PLCL2: variants seen among roughly 807,000 people sequenced by gnomAD.
The protein encoded by PLCL2 is phospholipase C like 2.
PLCL2 carries 4 observed loss-of-function variants against 79.6 expected under a neutral mutation model. That is an observed-to-expected ratio of 0.05 (90% CI 0.02 to 0.11). PLCL2 has a LOEUF of 0.11. PLCL2 is among the 10% of genes least tolerant of loss of function. PLCL2 has a pLI of 1.00. For missense variants in PLCL2, 895 were observed against 1,291.0 expected (o/e 0.69, Z 4.70); for synonymous variants, 484 against 457.7 (o/e 1.06, Z -0.73).
intron 1 of PLCL2, among the ~76,000 whole-genome samples, chr3:16,955,063 G>A (rs1415822669): frequency 8.5e-5 from 13 of 152,196 alleles, no homozygotes; most frequent in Non-Finnish European, 2.9e-5. Context: ...GGCTTTTGTT[G>A]CCATTGCTTT....
rs764932441 is a variant in PLCL2, at chr3:17,042,948, A to G, written c.3093A>G (p.Ala1031=). 3 of 1,603,638 alleles carry G rather than the reference A, an allele frequency of 1.9e-6. No individual in the cohort carries two copies. The highest frequency in any genetic ancestry group is 2.6e-6 in the Non-Finnish European group (3 of 1,170,594). ...VYEKIVHCQK[A]AMEFHEHLHS... is the part of the protein sequence containing the mutation. ...AAAAGATCGTACATTGTCAGAAGGC[A>G]GGTAAGTGAAAGTTTGTTTCCTCTC... The change falls in exon 4 of 6, where the codon GCA becomes GCG. Residue 1031 remains alanine (A), a splice_region_variant and synonymous_variant. Coordinates refer to ENST00000615277, the MANE Select transcript of PLCL2 (RefSeq NM_001144382.2).
intron 1 of PLCL2, among the ~76,000 whole-genome samples, chr3:16,954,649 TAA>T (rs1251835260): frequency 6.6e-6 from 1 of 152,130 alleles, no homozygotes; most frequent in Non-Finnish European, 1.5e-5. Flanking sequence ...ACCAACAGTG[TAA>T]AAGTGTTCCT....
chr3:17,035,635 A>G (rs2064641009), intron 3 of PLCL2: 4 of 344,120 alleles, frequency 1.2e-5, no homozygotes, highest in South Asian at 1.0e-4. Flanking sequence ...TGGTTCTGAA[A>G]TTTTACTTTG....
chr3:16,988,147 C>T (rs1476545937), intron 1 of PLCL2, among the ~76,000 whole-genome samples: 3 of 152,232 alleles, frequency 2.0e-5, no homozygotes, highest in East Asian at 3.9e-4. Flanking sequence ...GGAGTGTCTC[C>T]GCTCTGCACA....
intron 1 of PLCL2, among the ~76,000 whole-genome samples, chr3:16,918,814 T>C (rs568778352): frequency 6.6e-6 from 1 of 152,262 alleles, no homozygotes; most frequent in Admixed American, 6.5e-5. Flanking sequence ...TGTGCTCACA[T>C]AGCACTGGAA....
At chr3:17,073,919 A>T (rs1282520435) in intron 5 of PLCL2, among the ~76,000 whole-genome samples, 2 of 152,156 alleles carry the variant, frequency 1.3e-5, no homozygotes, top group East Asian at 1.9e-4. Flanking sequence ...GTCGTCATGA[A>T]CCCATCCAAG....
intron 1 of PLCL2, among the ~76,000 whole-genome samples, chr3:16,888,223 A>C (rs1280916445): frequency 6.6e-6 from 1 of 152,232 alleles, no homozygotes; most frequent in East Asian, 1.9e-4. Flanking sequence ...GCTGACCCGA[A>C]TCTTATTCCT....
At chr3:16,964,165 C>T (rs1205230470) in intron 1 of PLCL2, among the ~76,000 whole-genome samples, 1 of 149,366 alleles carries the variant, frequency 6.7e-6, no homozygotes, top group Non-Finnish European at 1.5e-5. Context: ...AATGCTATCC[C>T]TCTCCCCTCC....
intron 1 of PLCL2, among the ~76,000 whole-genome samples, chr3:16,929,265 A>G (rs1697338830): frequency 6.6e-6 from 1 of 152,166 alleles, no homozygotes; most frequent in South Asian, 2.1e-4. Context: ...CTCAGAGCCT[A>G]TAGAGGCTAC....
intron 5 of PLCL2, among the ~76,000 whole-genome samples, chr3:17,074,752 A>C (rs746430977): frequency 6.6e-6 from 1 of 152,154 alleles, no homozygotes. Flanking sequence ...TGTGGTGGAG[A>C]TGGCTTATTT....
intron 1 of PLCL2, among the ~76,000 whole-genome samples, chr3:16,990,775 C>A (rs1343737922): frequency 1.3e-5 from 2 of 152,156 alleles, no homozygotes; most frequent in African/African-American, 4.8e-5. Context: ...CTTCCCAAGG[C>A]TGCACAGTTT....
chr3:17,013,132 T>G (rs2064345292), intron 2 of PLCL2, among the ~76,000 whole-genome samples: 1 of 152,200 alleles, frequency 6.6e-6, no homozygotes, highest in African/African-American at 2.4e-5. Flanking sequence ...TTCCCTGTTT[T>G]TGAGGGTGAA....
intron 3 of PLCL2, among the ~76,000 whole-genome samples, chr3:17,035,247 C>T (rs915091074): frequency 1.3e-5 from 2 of 150,950 alleles, no homozygotes; most frequent in African/African-American, 2.5e-5. Context: ...ATCCTAAATA[C>T]GTTAACATAC....
At chr3:17,006,863 G>T (rs1559515786) in intron 1 of PLCL2, among the ~76,000 whole-genome samples, 1 of 152,144 alleles carries the variant, frequency 6.6e-6, no homozygotes, top group Non-Finnish European at 1.5e-5. Flanking sequence ...AACTTACTTT[G>T]CTATTAGGCC....
At chr3:17,050,203 C>A (rs1292219510) in intron 4 of PLCL2, among the ~76,000 whole-genome samples, 1 of 152,136 alleles carries the variant, frequency 6.6e-6, no homozygotes, top group African/African-American at 2.4e-5. Flanking sequence ...TCTGTGACAT[C>A]AAACTGTGAA....
chr3:16,910,114 C>G (rs1037356716), intron 1 of PLCL2, among the ~76,000 whole-genome samples: 1 of 152,200 alleles, frequency 6.6e-6, no homozygotes, highest in Non-Finnish European at 1.5e-5. Context: ...CTGGATTATT[C>G]CCATCAGCAT....
At chr3:16,885,458 A>G (rs2124911449) in intron 1 of PLCL2, 92 bp downstream of exon 1, 1 of 513,754 alleles carries the variant, frequency 1.9e-6, no homozygotes, top group Non-Finnish European at 3.5e-6. Context: ...GAGGAAGCCC[A>G]CTGCTAACAG....
At chr3:16,962,195 T>A (rs1215640865) in intron 1 of PLCL2, among the ~76,000 whole-genome samples, 1 of 152,154 alleles carries the variant, frequency 6.6e-6, no homozygotes, top group Non-Finnish European at 1.5e-5. Context: ...GAAAGGGATA[T>A]TAGAGAACAG....
intron 1 of PLCL2, among the ~76,000 whole-genome samples, chr3:16,967,628 A>G (rs959564047): frequency 6.6e-6 from 1 of 151,424 alleles, no homozygotes; most frequent in Non-Finnish European, 1.5e-5. Context: ...TTGTTTGTTA[A>G]TTTGCTTAAG....
Sources: gnomAD v4.1 joint callset for allele counts (sites outside exome capture counted in the v4.1 genomes callset) on GRCh38, gnomAD v4.1.1 for gene constraint, MANE v1.5 for transcripts, NCBI Gene and HGNC (gene_info 2026-07-23, HGNC 2026-07-21) for gene names.